Variants in EPCAM observed in about 807,000 individuals in gnomAD.
EPCAM encodes adenocarcinoma-associated antigen.
In EPCAM, 39 loss-of-function variants were observed where a neutral mutation model predicts 40.0. The ratio of observed to expected loss-of-function variants is 0.98; its 90% CI spans 0.76 to 1.27. The LOEUF (loss-of-function observed/expected upper bound fraction) is 1.27. EPCAM is among the 50% of genes most tolerant of loss of function. The probability of loss-of-function intolerance (pLI) is 0.00; values close to 1 mark genes in which losing one functional copy is unlikely to be tolerated. For missense variants in EPCAM, 503 were observed against 381.2 expected, an observed-to-expected ratio of 1.32 and a Z score of -2.66; for synonymous variants, 168 against 132.3, an observed-to-expected ratio of 1.27 and a Z score of -1.85.
chr2:47,380,278 C>A (rs892182419), intron 7 of EPCAM, among the ~76,000 whole-genome samples: 8 of 152,090 alleles, frequency 5.3e-5, no homozygotes. Context: ...GATCACACCA[C>A]TGCACTCCAG....
rs758439465 is a variant in EPCAM, at chr2:47,379,957, A to G, written c.846A>G (p.Gly282=). 2 of 1,612,382 alleles carry G rather than the reference A, an allele frequency of 1.2e-6. No individual in the cohort carries two copies. The highest frequency in any genetic ancestry group is 1.7e-6 in the Non-Finnish European group (2 of 1,179,012). The change falls in exon 7 of 9, where the codon GGA becomes GGG. Residue 282 remains glycine, a synonymous_variant. Transcript: ENST00000263735. ...TTGTGGTGATAGCAGTTGTTGCTGG[A>G]ATTGTTGTGCTGGTGAGTACAGAAC... ...IVVVVIAVVA[G]IVVLVISRKK...
chr2:47,385,194 A>C lies in EPCAM; in HGVS notation c.887A>C (p.Lys296Thr). The C allele has an allele frequency of 6.2e-7, 1 of 1,613,194 alleles. No individual in the cohort carries two copies. Among genetic ancestry groups the C allele is most frequent in the Non-Finnish European group, 8.5e-7 (1 of 1,179,254 alleles). The change falls in exon 8 of 9, where the codon AAG (lysine) becomes ACG (threonine). Residue 296 changes from lysine to threonine, a missense_variant. Transcript: ENST00000263735. ...LVISRKKRMAKYEKAEIKEMG... is the reference protein window; with the variant it reads ...LVISRKKRMATYEKAEIKEMG... The stretch of plus-strand genomic sequence containing the variant: ...ATTTCCAGAAAGAAGAGAATGGCAA[A>C]GTATGAGAAGGCTGAGGTAAATGGA...
At chr2:47,376,773 G>T (rs1299087261) in intron 4 of EPCAM, among the ~76,000 whole-genome samples, 1 of 152,118 alleles carries the variant, frequency 6.6e-6, no homozygotes, top group African/African-American at 2.4e-5. Context: ...AATAATCTAT[G>T]GGCAGATACT....
chr2:47,384,974 C>G (rs7584148), intron 7 of EPCAM, among the ~76,000 whole-genome samples, 192 bp from the exon 8 acceptor site: 1 of 151,510 alleles, frequency 6.6e-6, no homozygotes, highest in Middle Eastern at 3.2e-3. Context: ...CCCAAAGTGC[C>G]GGGATTACAG....
rs116709825 is a variant in EPCAM at position 47,380,692 on chromosome 2, G to A, written c.858+723G>A. 3.6e-3 allele frequency among the ~76,000 whole-genome samples: 549 copies of A among 152,338 alleles called. 3 individuals are homozygous for A. The highest frequency in any genetic ancestry group is 0.012 in the African/African-American group (508 of 41,582). On this transcript the variant is annotated intron_variant, in intron 7 of 8. Coordinates refer to ENST00000263735, the MANE Select transcript of EPCAM (RefSeq NM_002354.3). ...ATGTGAATCAATACTTCCAAGTAAA[G>A]ATGAGCAAATTGAATTTAACAGTGC...
At chr2:47,373,742 ATT>A in intron 2 of EPCAM, 64 bp from the exon 3 acceptor site, 2 of 1,532,384 alleles carry the variant, frequency 1.3e-6, no homozygotes, top group South Asian at 1.1e-5. Flanking sequence ...TTTAGAGTTA[ATT>A]TTTTTTTTCC....
In EPCAM at chr2:47,379,808, C is replaced by CT; in HGVS notation, c.698dup (p.Thr234AspfsTer20). 1 of 1,613,722 alleles carries CT rather than the reference C, an allele frequency of 6.2e-7. No individual in the cohort carries two copies. Among genetic ancestry groups the CT allele is most frequent in the South Asian group, 1.1e-5 (1 of 91,070 alleles). ...CTTGTTTCATTCTAAGAAAATGGAC[C>CT]TGACAGTAAATGGGGAACAACTGGA... On this transcript the variant is annotated frameshift_variant, in exon 7 of 9. Transcript: ENST00000263735. LOFTEE classifies it high-confidence loss of function.
chr2:47,373,925 A>C lies in EPCAM; in HGVS notation c.302A>C (p.Glu101Ala), dbSNP rs1671352751. 6.8e-6 allele frequency: 11 copies of C among 1,614,166 alleles called. No homozygotes were observed. The highest frequency in any genetic ancestry group is 9.3e-6 in the Non-Finnish European group (11 of 1,180,034). Residue 101 changes from glutamate (E) to alanine (A), a missense_variant, in exon 3 of 9, where the codon GAG (glutamate) becomes GCG (alanine). By Grantham distance (107) the Glu-to-Ala change is moderately radical. Transcript: ENST00000263735. ...GGGCTTTATGATCCTGACTGCGATG[A>C]GAGCGGGCTCTTTAAGGCCAAGCAG... The part of the protein sequence containing the change: ...NDGLYDPDCD[E>A]SGLFKAKQCN...
chr2:47,374,639 C>G (rs868135423), intron 3 of EPCAM, among the ~76,000 whole-genome samples: 17 of 151,686 alleles, frequency 1.1e-4, no homozygotes, highest in African/African-American at 4.1e-4. Flanking sequence ...TTTCTTTTTT[C>G]TTTTCTTTTC....
intron 4 of EPCAM, 118 bp from the exon 5 acceptor site, chr2:47,376,896 A>G: frequency 1.4e-6 from 1 of 691,356 alleles, no homozygotes; most frequent in Non-Finnish European, 2.6e-6. Context: ...AAAATGGCAG[A>G]AAAATTTTAA....
chr2:47,374,123 A>G (rs1209697967), intron 3 of EPCAM, 75 bp downstream of exon 3: 1 of 1,525,986 alleles, frequency 6.6e-7, no homozygotes, highest in Non-Finnish European at 9.0e-7. Context: ...TTGATTATGT[A>G]ATATGATTTC....
chr2:47,376,306 G>T (rs1268650959), intron 4 of EPCAM, among the ~76,000 whole-genome samples: 1 of 149,080 alleles, frequency 6.7e-6, no homozygotes, highest in Non-Finnish European at 1.5e-5. Flanking sequence ...GCCCAGGCTG[G>T]AGTGCAATGG....
At chr2:47,385,759 GC>G (rs1671730462) in intron 8 of EPCAM, among the ~76,000 whole-genome samples, 1 of 152,084 alleles carries the variant, frequency 6.6e-6, no homozygotes. Flanking sequence ...TTGTATGTGG[GC>G]CACTTACTAA....
At chr2:47,374,789 A>G (rs892078524) in intron 3 of EPCAM, among the ~76,000 whole-genome samples, 38 of 152,072 alleles carry the variant, frequency 2.5e-4, no homozygotes, top group African/African-American at 8.4e-4. Flanking sequence ...GACTACAGCT[A>G]TACCACACCT....
chr2:47,369,557 G>A lies in EPCAM; in HGVS notation c.52G>A (p.Ala18Thr), dbSNP rs2103738184. Residue 18 changes from alanine to threonine, a missense_variant, in exon 1 of 9, where the codon GCG becomes ACG. Ala to Thr is a moderately conservative substitution (Grantham distance 58). Coordinates refer to ENST00000263735, the MANE Select transcript of EPCAM (RefSeq NM_002354.3). ...AFGLLLAAAT[A>T]TFAAAQEECV... ...CGGGCTTCTGCTTGCCGCGGCGACG[G>A]CGACTTTTGCCGCAGCTCAGGAAGG... 2.5e-6 allele frequency: 4 copies of A among 1,588,714 alleles called. No individual in the cohort carries two copies. The South Asian group carries it at 3.4e-5, about 14-fold the overall frequency.
rs1245674932 is a variant in EPCAM at position 47,373,899 on chromosome 2, T to C, written c.276T>C (p.Asp92=). The C allele has an allele frequency of 2.5e-6, 4 of 1,614,112 alleles. No individual in the cohort carries two copies. In the East Asian group the frequency reaches 6.7e-5, roughly 27 times the overall value. Residue 92 remains aspartate (D), a synonymous_variant, in exon 3 of 9, where the codon GAT becomes GAC. Transcript: ENST00000263735. ...CTGAAGGGGCCCTCCAGAACAATGA[T>C]GGGCTTTATGATCCTGACTGCGATG... ...AKPEGALQNN[D]GLYDPDCDES...
chr2:47,371,988 C>G (rs1278662241), intron 1 of EPCAM, among the ~76,000 whole-genome samples: 2 of 152,080 alleles, frequency 1.3e-5, no homozygotes, highest in Non-Finnish European at 2.9e-5. Flanking sequence ...TGATTGTGCT[C>G]TTTTAACTAG....
chr2:47,381,752 A>T (rs1671596885), intron 7 of EPCAM, among the ~76,000 whole-genome samples: 1 of 152,164 alleles, frequency 6.6e-6, no homozygotes, highest in African/African-American at 2.4e-5. Flanking sequence ...GAATCCATGA[A>T]AGAAAAGATA....
At chr2:47,369,713 A>C (rs1288813461) in intron 1 of EPCAM, 132 bp downstream of exon 1, 1 of 983,322 alleles carries the variant, frequency 1.0e-6, no homozygotes, top group Non-Finnish European at 1.6e-6. Flanking sequence ...TGGAGACCGG[A>C]CGGTGCGGCC....
Sources: allele counts gnomAD v4.1 joint callset (sites outside exome capture counted in the v4.1 genomes callset), GRCh38; gene constraint gnomAD v4.1.1; transcripts MANE v1.5; gene names NCBI Gene and HGNC (gene_info 2026-07-23, HGNC 2026-07-21).